Variants in MPDZ observed in about 807,000 individuals in gnomAD.
MPDZ encodes the protein multiple PDZ domain crumbs cell polarity complex component.
A neutral mutation model predicts 239.1 loss-of-function variants in MPDZ; 234 were observed. That is an observed-to-expected ratio of 0.98 (90% CI 0.88 to 1.09). The LOEUF (loss-of-function observed/expected upper bound fraction) is 1.09, where lower values mean the gene tolerates loss of function less well. MPDZ is among the 50% of genes least tolerant of loss of function. The pLI, the probability that MPDZ is intolerant of heterozygous loss-of-function variation, is 0.00. For missense variants in MPDZ, 3,175 were observed against 2,510.0 expected, an observed-to-expected ratio of 1.26 and a Z score of -5.66; for synonymous variants, 1,048 against 881.3, an observed-to-expected ratio of 1.19 and a Z score of -3.35.
chr9:13,194,715 T>A (rs187729091), intron 13 of MPDZ, among the ~76,000 whole-genome samples: 1,619 of 148,900 alleles, frequency 0.011, 23 homozygotes, highest in African/African-American at 0.038. Flanking sequence ...AAGTAAAATT[T>A]AAAAAAAAAA....
At chr9:13,186,480 G>A in intron 17 of MPDZ, 94 bp from the exon 18 acceptor site, 1 of 813,046 alleles carries the variant, frequency 1.2e-6, no homozygotes, top group Non-Finnish European at 2.0e-6. Context: ...AAGTGAGGGG[G>A]GCGAGAAGAG....
At chr9:13,130,427 C>T (rs1386812484) in intron 32 of MPDZ, among the ~76,000 whole-genome samples, 6 of 132,026 alleles carry the variant, frequency 4.5e-5, no homozygotes, top group African/African-American at 1.7e-4. Flanking sequence ...GGCACATAAC[C>T]GTTCATTCAC....
intron 21 of MPDZ, among the ~76,000 whole-genome samples, chr9:13,169,053 T>C (rs1951455041): frequency 6.6e-6 from 1 of 152,198 alleles, no homozygotes; most frequent in Non-Finnish European, 1.5e-5. Context: ...CCAAGTACTA[T>C]GTTGGTTGCT....
chr9:13,186,410 T>C (rs1443740352), intron 17 of MPDZ, 24 bp from the exon 18 acceptor site: 34 of 1,459,676 alleles, frequency 2.3e-5, no homozygotes, highest in Non-Finnish European at 2.9e-5. Flanking sequence ...ATGGTATTCA[T>C]GGAAAAGAGA....
chr9:13,169,717 TTA>T (rs1951540379), intron 21 of MPDZ, among the ~76,000 whole-genome samples: 1 of 152,184 alleles, frequency 6.6e-6, no homozygotes, highest in Non-Finnish European at 1.5e-5. Context: ...TAGTTTCCTG[TTA>T]TAGTAATACA....
At chr9:13,270,959 G>A (rs1239293316) in intron 1 of MPDZ, among the ~76,000 whole-genome samples, 3 of 152,074 alleles carry the variant, frequency 2.0e-5, no homozygotes, top group Admixed American at 2.0e-4. Flanking sequence ...CAGAAAACAT[G>A]CAAGTGGGTG....
At chr9:13,158,365 G>T (rs1409835487) in intron 23 of MPDZ, among the ~76,000 whole-genome samples, 1 of 152,026 alleles carries the variant, frequency 6.6e-6, no homozygotes, top group African/African-American at 2.4e-5. Flanking sequence ...TTTTTTCCTT[G>T]ATGAGACATA....
At chr9:13,210,934 G>C (rs1587825185) in intron 10 of MPDZ, among the ~76,000 whole-genome samples, 1 of 152,130 alleles carries the variant, frequency 6.6e-6, no homozygotes, top group East Asian at 1.9e-4. Flanking sequence ...TCTTTCAGCA[G>C]TCAGACAAAA....
At chr9:13,173,113 T>C (rs1951999280) in intron 21 of MPDZ, among the ~76,000 whole-genome samples, 2 of 152,204 alleles carry the variant, frequency 1.3e-5, no homozygotes, top group Admixed American at 1.3e-4. Context: ...AGGGGACTGG[T>C]AGAGAGAGCA....
rs1354888879 is a variant in MPDZ, at chr9:13,113,966, G to C, written c.5522C>G (p.Ser1841Cys). The change falls in exon 41 of 47, where the codon TCT (serine) becomes TGT (cysteine). Residue 1841 changes from serine to cysteine, a missense_variant. Physicochemically the swap from Ser to Cys is moderately radical, Grantham distance 112 (BLOSUM62 -1). Coordinates refer to ENST00000319217, the MANE Select transcript of MPDZ (RefSeq NM_001378778.1). ...CTTTGAGCTACTTTCCAGTGACTCA[G>C]ATGTACTGGATCCAGAGAGTGGAAA... ...FTFPLSGSST[S>C]ESLESSSKKN... The C allele has an allele frequency of 6.3e-7, 1 of 1,598,306 alleles. No homozygotes were observed. The highest frequency in any genetic ancestry group is 1.1e-5 in the South Asian group (1 of 87,852).
At position 13,150,573 on chromosome 9, in the gene MPDZ, C is replaced by A; in HGVS notation, c.3568G>T (p.Val1190Phe). 2 of 1,566,744 alleles carry A rather than the reference C, an allele frequency of 1.3e-6. No individual in the cohort carries two copies. Among genetic ancestry groups the A allele is most frequent in the Non-Finnish European group, 1.7e-6 (2 of 1,154,656 alleles). Reference protein sequence around the residue: ...EVMRGIFIKHVLEDSPAGKNG... With the variant: ...EVMRGIFIKHFLEDSPAGKNG... ...TTGCCAGCTGGACTATCTTCCAGAA[C>A]ATGTTTGATGAAAATGCCCCTCATC... The change falls in exon 25 of 47, where the codon GTT becomes TTT. Residue 1190 changes from valine to phenylalanine, a missense_variant. Physicochemically the swap from Val to Phe is conservative, Grantham distance 50. Transcript: ENST00000319217.
At position 13,222,574 on chromosome 9, in the gene MPDZ, G is replaced by C. The variant is rs1220590862; in HGVS notation, c.534-128C>G. 9.6e-6 allele frequency: 7 copies of C among 732,896 alleles called. No individual in the cohort carries two copies. In the East Asian group the frequency reaches 1.3e-4, roughly 14 times the overall value. 45.4% of individuals were successfully genotyped at this position (732,896 alleles called of 1,614,324 possible). ...ATTCCCACACTCTAAGCTTTTTCCT[G>C]CAGTTCTACTTTAAAAAAAATACAC... On this transcript the variant is annotated intron_variant, in intron 5 of 46. Coordinates refer to ENST00000319217, the MANE Select transcript of MPDZ (RefSeq NM_001378778.1).
intron 1 of MPDZ, among the ~76,000 whole-genome samples, chr9:13,278,471 C>G (rs1363256514): frequency 6.6e-6 from 1 of 152,192 alleles, no homozygotes; most frequent in Non-Finnish European, 1.5e-5. Context: ...TTCCATGTGA[C>G]TGCAGGCAAG....
chr9:13,219,536 A>T (rs1383320594), intron 8 of MPDZ, 23 bp downstream of exon 8: 1 of 1,600,024 alleles, frequency 6.2e-7, no homozygotes, highest in African/African-American at 1.3e-5. Flanking sequence ...TGACTTTCAC[A>T]TTAACTACTC....
intron 38 of MPDZ, 118 bp from the exon 39 acceptor site, chr9:13,119,767 T>C (rs114993560): frequency 0.012 from 14,987 of 1,214,254 alleles, 742 homozygotes; most frequent in South Asian, 0.11. Flanking sequence ...TTTAAAAGTT[T>C]TGTTATTTGG....
intron 3 of MPDZ, among the ~76,000 whole-genome samples, chr9:13,243,193 C>A (rs1016092370): frequency 6.6e-6 from 1 of 152,132 alleles, no homozygotes; most frequent in Admixed American, 6.6e-5. Flanking sequence ...ATAGTGAGAA[C>A]CTCCATCTTA....
At chr9:13,245,249 A>T (rs182184024) in intron 3 of MPDZ, among the ~76,000 whole-genome samples, 7 of 152,104 alleles carry the variant, frequency 4.6e-5, no homozygotes, top group Admixed American at 6.5e-5. Flanking sequence ...ATAAGTTTTT[A>T]AATTTTTACT....
At chr9:13,183,167 A>G (rs1953595575) in intron 19 of MPDZ, among the ~76,000 whole-genome samples, 1 of 151,956 alleles carries the variant, frequency 6.6e-6, no homozygotes, top group African/African-American at 2.4e-5. Flanking sequence ...TGACATGCAA[A>G]CCCTAATCAA....
chr9:13,134,497 A>C (rs565194395), intron 31 of MPDZ: 1 of 152,318 alleles, frequency 6.6e-6, no homozygotes, highest in African/African-American at 2.4e-5. Context: ...TATCTTATGT[A>C]TACATAAGCT....
Sources: allele counts gnomAD v4.1 joint callset (sites outside exome capture counted in the v4.1 genomes callset), GRCh38; gene constraint gnomAD v4.1.1; transcripts MANE v1.5; gene names NCBI Gene and HGNC (gene_info 2026-07-23, HGNC 2026-07-21).